Variants in CNTN6 observed in about 807,000 individuals in gnomAD.
CNTN6 encodes the protein contactin-6.
A neutral mutation model predicts 122.8 loss-of-function variants in CNTN6; 137 were observed. That is an observed-to-expected ratio of 1.12 (90% CI 0.97 to 1.29). CNTN6 has a LOEUF of 1.29. Among genes scored for constraint, CNTN6 ranks in the 50% most tolerant of loss-of-function variants. The pLI is 0.00. For missense variants in CNTN6, 1,634 were observed against 1,223.4 expected, an observed-to-expected ratio of 1.34 and a Z score of -5.01; for synonymous variants, 570 against 426.0, an observed-to-expected ratio of 1.34 and a Z score of -4.16.
chr3:1,174,255 C>T (rs2093410455), intron 2 of CNTN6, among the ~76,000 whole-genome samples: 1 of 152,158 alleles, frequency 6.6e-6, no homozygotes, highest in Non-Finnish European at 1.5e-5. Flanking sequence ...TAGCTACAGC[C>T]AGAGGTAAAG....
intron 1 of CNTN6, among the ~76,000 whole-genome samples, chr3:1,110,836 A>G (rs957858888): frequency 2.0e-5 from 3 of 152,182 alleles, no homozygotes; most frequent in African/African-American, 7.2e-5. Flanking sequence ...TGTCATGAGA[A>G]GAGCAGGGAC....
At chr3:1,118,932 G>C (rs1049828047) in intron 1 of CNTN6, among the ~76,000 whole-genome samples, 1 of 151,970 alleles carries the variant, frequency 6.6e-6, no homozygotes, top group Non-Finnish European at 1.5e-5. Context: ...ATTTACAAAT[G>C]TAATCTCTGA....
Position 1,383,051 on chromosome 3 carries a change from C to T in CNTN6, c.2276C>T (p.Ser759Leu), listed in dbSNP as rs765939848. ...GAGAAAGTGTCATCTGTGGAATCAT[C>T]AAGGTTTGTCTACAGAAATGAAAGC... is the stretch of plus-strand genomic sequence containing the variant. The part of the protein sequence containing the change: ...SKEKVSSVES[S>L]RFVYRNESII... The change falls in exon 18 of 23, where the codon TCA becomes TTA. Residue 759 changes from serine (S) to leucine (L), a missense_variant. By Grantham distance (145) the Ser-to-Leu change is moderately radical. Transcript: ENST00000446702. 6.2e-7 allele frequency: 1 copy of T among 1,614,008 alleles called. No individual in the cohort carries two copies. The highest frequency in any genetic ancestry group is 8.5e-7 in the Non-Finnish European group (1 of 1,179,920).
At chr3:1,218,322 A>G (rs2094156530) in intron 2 of CNTN6, among the ~76,000 whole-genome samples, 1 of 152,114 alleles carries the variant, frequency 6.6e-6, no homozygotes, top group Admixed American at 6.6e-5. Flanking sequence ...TGGGGGAAAG[A>G]GAGCTCCCGT....
chr3:1,298,042 T>A, intron 7 of CNTN6, 51 bp downstream of exon 7: 2 of 1,364,260 alleles, frequency 1.5e-6, no homozygotes, highest in Admixed American at 2.1e-5. Flanking sequence ...AATTTTTTTT[T>A]ATTAAAAACC....
intron 2 of CNTN6, among the ~76,000 whole-genome samples, chr3:1,179,006 A>G (rs994135702): frequency 1.3e-5 from 2 of 152,208 alleles, no homozygotes; most frequent in African/African-American, 4.8e-5. Flanking sequence ...GTGGTTCTGC[A>G]GGCTGTACAA....
intron 1 of CNTN6, among the ~76,000 whole-genome samples, chr3:1,124,684 AT>A (rs1206079287): frequency 1.6e-5 from 2 of 123,932 alleles, no homozygotes; most frequent in African/African-American, 5.6e-5. Flanking sequence ...CCTAAACATT[AT>A]TGAAATTTTT....
intron 2 of CNTN6, among the ~76,000 whole-genome samples, chr3:1,161,696 G>A (rs1207751619): frequency 6.7e-6 from 1 of 149,858 alleles, no homozygotes; most frequent in Non-Finnish European, 1.5e-5. Flanking sequence ...GATTTATTCG[G>A]TACAAAAAAC....
At chr3:1,192,251 G>A (rs2093712788) in intron 2 of CNTN6, among the ~76,000 whole-genome samples, 1 of 152,068 alleles carries the variant, frequency 6.6e-6, no homozygotes, top group South Asian at 2.1e-4. Context: ...TTTCTGAAGT[G>A]CTTATCTTTC....
intron 7 of CNTN6, among the ~76,000 whole-genome samples, chr3:1,300,939 T>C (rs1296984736): frequency 2.0e-5 from 3 of 152,064 alleles, no homozygotes; most frequent in Non-Finnish European, 4.4e-5. Context: ...CAGTGTCTTA[T>C]TTTCTATTAA....
At chr3:1,390,104 T>G (rs564081217) in intron 20 of CNTN6, among the ~76,000 whole-genome samples, 1 of 151,214 alleles carries the variant, frequency 6.6e-6, no homozygotes, top group South Asian at 2.1e-4. Flanking sequence ...CAACAGAATA[T>G]AGATTTTTTT....
intron 4 of CNTN6, among the ~76,000 whole-genome samples, chr3:1,248,774 C>G (rs761900924): frequency 6.6e-6 from 1 of 151,866 alleles, no homozygotes; most frequent in Non-Finnish European, 1.5e-5. Flanking sequence ...GAGCTGAGAT[C>G]GTGCCATTGC....
chr3:1,402,214 A>G (rs1195671937), intron 21 of CNTN6, 104 bp from the exon 22 acceptor site: 2 of 792,622 alleles, frequency 2.5e-6, no homozygotes, highest in African/African-American at 1.8e-5. Flanking sequence ...GAGGAGTACA[A>G]CATTTATGAT....
intron 2 of CNTN6, among the ~76,000 whole-genome samples, chr3:1,205,791 A>G (rs2093949878): frequency 6.6e-6 from 1 of 152,218 alleles, no homozygotes; most frequent in Admixed American, 6.5e-5. Flanking sequence ...GTGATAAGGA[A>G]TGCTAAAATA....
intron 16 of CNTN6, among the ~76,000 whole-genome samples, chr3:1,374,703 G>C (rs1174674502): frequency 6.6e-6 from 1 of 152,036 alleles, no homozygotes; most frequent in East Asian, 1.9e-4. Flanking sequence ...TAATCTGCTA[G>C]CTGTATATAG....
intron 5 of CNTN6, among the ~76,000 whole-genome samples, chr3:1,282,158 C>T (rs995583348): frequency 6.6e-6 from 1 of 152,228 alleles, no homozygotes; most frequent in Non-Finnish European, 1.5e-5. Context: ...CCCCATGAAA[C>T]AGAGTAATCA....
chr3:1,224,369 T>C (rs1466923893), intron 3 of CNTN6, among the ~76,000 whole-genome samples: 1 of 152,022 alleles, frequency 6.6e-6, no homozygotes, highest in Admixed American at 6.6e-5. Flanking sequence ...AGAGGGATTA[T>C]ACTCAATGAT....
intron 11 of CNTN6, among the ~76,000 whole-genome samples, chr3:1,351,983 A>G (rs1026678012): frequency 2.6e-5 from 4 of 151,954 alleles, no homozygotes; most frequent in African/African-American, 9.7e-5. Flanking sequence ...TTGACTTTGG[A>G]AAATACAGAG....
intron 4 of CNTN6, among the ~76,000 whole-genome samples, chr3:1,243,680 G>C (rs1389206317): frequency 6.6e-6 from 1 of 152,168 alleles, no homozygotes; most frequent in East Asian, 1.9e-4. Flanking sequence ...CATTAACCTT[G>C]ACTATGCCTT....
Sources: gnomAD v4.1 joint callset for allele counts (sites outside exome capture counted in the v4.1 genomes callset) on GRCh38, gnomAD v4.1.1 for gene constraint, MANE v1.5 for transcripts, NCBI Gene and HGNC (gene_info 2026-07-23, HGNC 2026-07-21) for gene names.